ITGB5: variants seen among roughly 807,000 people sequenced by gnomAD.
The protein encoded by ITGB5 is integrin subunit beta 5.
Under a neutral mutation model 84.8 loss-of-function variants are expected in ITGB5, and 38 were observed. The observed-to-expected ratio is 0.45, with a 90% CI of 0.35 to 0.59. ITGB5 has a LOEUF of 0.59. Ranked by LOEUF, ITGB5 falls within the 20% of genes least tolerant of loss-of-function variation. The pLI, the probability that ITGB5 is intolerant of heterozygous loss-of-function variation, is 0.01. For missense variants in ITGB5, 905 were observed against 1,034.5 expected (o/e 0.87, Z 1.72); for synonymous variants, 393 against 414.4 (o/e 0.95, Z 0.63).
intron 1 of ITGB5, among the ~76,000 whole-genome samples, chr3:124,898,674 A>AAAAGACAGC (rs1935159881): frequency 6.8e-6 from 1 of 148,042 alleles, no homozygotes; most frequent in Admixed American, 6.9e-5. Flanking sequence ...AAAAAAAGAA[A>AAAAGACAGC]ATGACAGCAC....
At chr3:124,776,780 A>C (rs1258085480) in intron 10 of ITGB5, among the ~76,000 whole-genome samples, 2 of 152,138 alleles carry the variant, frequency 1.3e-5, no homozygotes, top group African/African-American at 4.8e-5. Context: ...TTTCTTTCCT[A>C]CTCTAATTGT....
intron 8 of ITGB5, among the ~76,000 whole-genome samples, chr3:124,815,018 T>G (rs2064564836): frequency 6.6e-6 from 1 of 152,208 alleles, no homozygotes; most frequent in African/African-American, 2.4e-5. Flanking sequence ...ACACAGGGAA[T>G]GCTTTCCCTT....
chr3:124,796,548 G>T lies in ITGB5; in HGVS notation c.1533C>A (p.Asn511Lys). ...QDGENQSVYQ[N>K]LCREAEGKPL... ...GCTTGCCCTCTGCCTCCCGGCACAG[G>T]TTCTGGTACACGCTCTGGTTCTCCC... Residue 511 changes from asparagine to lysine, a missense_variant, in exon 10 of 15, where the codon AAC becomes AAA. Physicochemically the swap from Asn to Lys is moderately conservative, Grantham distance 94. Coordinates refer to ENST00000296181, the MANE Select transcript of ITGB5 (RefSeq NM_002213.5). The T allele has an allele frequency of 6.2e-7, 1 of 1,614,060 alleles. No homozygotes were observed. Among genetic ancestry groups the T allele is most frequent in the East Asian group, 2.2e-5 (1 of 44,870 alleles).
intron 4 of ITGB5, among the ~76,000 whole-genome samples, chr3:124,843,642 G>A (rs1041046633): frequency 2.6e-5 from 4 of 152,182 alleles, no homozygotes; most frequent in African/African-American, 9.7e-5. Context: ...TTGTCACACA[G>A]ACGCTAGGAG....
At chr3:124,808,916 A>C in intron 9 of ITGB5, 106 bp downstream of exon 9, 1 of 1,254,006 alleles carries the variant, frequency 8.0e-7, no homozygotes, top group Non-Finnish European at 1.1e-6. Context: ...TGGAAAACAG[A>C]ATATAAATTC....
At chr3:124,792,021 G>A (rs1446953470) in intron 10 of ITGB5, 2 of 152,220 alleles carry the variant, frequency 1.3e-5, no homozygotes, top group Non-Finnish European at 2.9e-5. Flanking sequence ...GCTGGACTCA[G>A]TTTAAGTCCT....
Position 124,874,108 on chromosome 3 carries a change from A to G in ITGB5, c.71-577T>C, listed in dbSNP as rs898592208. Among the ~76,000 whole-genome samples the G allele has an allele frequency of 3.3e-4, 50 of 151,374 alleles. 2 individuals carry two copies. ...AGGCTAGGCATGGTGGCTCATGCCT[A>G]TAATAATCCCAACATTTTGGAGGCG... On this transcript the variant is annotated intron_variant, in intron 1 of 14. Coordinates refer to ENST00000296181, the MANE Select transcript of ITGB5 (RefSeq NM_002213.5).
intron 4 of ITGB5, among the ~76,000 whole-genome samples, chr3:124,842,871 T>G (rs1469200592): frequency 6.6e-6 from 1 of 152,156 alleles, no homozygotes; most frequent in African/African-American, 2.4e-5. Context: ...GGCTATTCCA[T>G]TCCCTCTCAG....
chr3:124,800,464 T>C (rs1005861200), intron 9 of ITGB5, among the ~76,000 whole-genome samples: 1 of 152,146 alleles, frequency 6.6e-6, no homozygotes, highest in African/African-American at 2.4e-5. Context: ...CACCAGCATG[T>C]AGAAACACTT....
At chr3:124,896,095 G>A (rs1023430483) in intron 1 of ITGB5, among the ~76,000 whole-genome samples, 2 of 152,210 alleles carry the variant, frequency 1.3e-5, no homozygotes, top group Non-Finnish European at 2.9e-5. Context: ...CGGAATGCCT[G>A]TTTGAACGTG....
intron 1 of ITGB5, among the ~76,000 whole-genome samples, chr3:124,882,007 C>A (rs929287705): frequency 6.6e-6 from 1 of 152,072 alleles, no homozygotes; most frequent in East Asian, 1.9e-4. Context: ...ATCTCTTTCT[C>A]CCAGGATGTT....
chr3:124,845,443 G>A (rs374773296), intron 4 of ITGB5, among the ~76,000 whole-genome samples: 6 of 152,220 alleles, frequency 3.9e-5, no homozygotes, highest in Non-Finnish European at 8.8e-5. Flanking sequence ...CCCACGCTGC[G>A]TGTGCCTCCC....
chr3:124,854,193 A>G (rs1246905939), intron 3 of ITGB5, among the ~76,000 whole-genome samples: 1 of 152,218 alleles, frequency 6.6e-6, no homozygotes, highest in Non-Finnish European at 1.5e-5. Flanking sequence ...TAGAATTACC[A>G]TATGACCCAG....
intron 9 of ITGB5, among the ~76,000 whole-genome samples, chr3:124,807,628 G>A (rs2064426714): frequency 1.3e-5 from 2 of 152,008 alleles, no homozygotes; most frequent in African/African-American, 4.8e-5. Context: ...GCGAGGCACT[G>A]CAGAAAGATT....
intron 9 of ITGB5, among the ~76,000 whole-genome samples, chr3:124,797,316 TAG>T (rs1390100681): frequency 6.6e-6 from 1 of 152,198 alleles, no homozygotes; most frequent in Non-Finnish European, 1.5e-5. Flanking sequence ...TGGCCCGCCA[TAG>T]AGAGGGCTCT....
intron 7 of ITGB5, 127 bp from the exon 8 acceptor site, chr3:124,817,837 A>C: frequency 3.3e-6 from 2 of 607,542 alleles, no homozygotes; most frequent in Non-Finnish European, 5.7e-6. Context: ...TTCTCCCACC[A>C]TGAACTAAAG....
At chr3:124,843,577 C>G (rs1447000736) in intron 4 of ITGB5, among the ~76,000 whole-genome samples, 1 of 152,166 alleles carries the variant, frequency 6.6e-6, no homozygotes, top group Admixed American at 6.5e-5. Flanking sequence ...CAGAGAGAAG[C>G]CTTCATTGTA....
intron 9 of ITGB5, among the ~76,000 whole-genome samples, chr3:124,808,131 CA>C (rs1247443842): frequency 6.6e-6 from 1 of 152,034 alleles, no homozygotes; most frequent in Non-Finnish European, 1.5e-5. Context: ...TCCCTGAAGC[CA>C]GGGGGATGAG....
upstream of ITGB5, among the ~76,000 whole-genome samples, chr3:124,888,538 C>A (rs1006560462): frequency 1.3e-5 from 2 of 152,138 alleles, no homozygotes; most frequent in Non-Finnish European, 2.9e-5. Flanking sequence ...CGATAGAATA[C>A]CTACCAAGTA....
Sources: allele counts gnomAD v4.1 joint callset (sites outside exome capture counted in the v4.1 genomes callset), GRCh38; gene constraint gnomAD v4.1.1; transcripts MANE v1.5; gene names NCBI Gene and HGNC (gene_info 2026-07-23, HGNC 2026-07-21).